FLNC: variants seen among roughly 807,000 people sequenced by gnomAD.
The protein encoded by FLNC is filamin C, also known as filamin-C.
FLNC carries 91 observed loss-of-function variants against 254.3 expected under a neutral mutation model. The ratio of observed to expected loss-of-function variants is 0.36; its 90% CI spans 0.30 to 0.43. FLNC has a LOEUF of 0.43. Ranked by LOEUF, FLNC falls within the 20% of genes least tolerant of loss-of-function variation. FLNC has a pLI of 1.00. For missense variants in FLNC, 2,853 were observed against 3,802.6 expected (o/e 0.75, Z 6.57); for synonymous variants, 1,430 against 1,577.2 (o/e 0.91, Z 2.21).
In FLNC at chr7:128,841,278, A is replaced by G; in HGVS notation, c.1922A>G (p.His641Arg). ...ACGGAGCCTGGGGAGTACGCTGTGC[A>G]CGTCATCTGTGACGATGAGGACATC... is the stretch of plus-strand genomic sequence containing the variant. ...WPTEPGEYAV[H>R]VICDDEDIRD... Residue 641 changes from histidine to arginine, a missense_variant, in exon 12 of 48, where the codon CAC becomes CGC. By Grantham distance (29) the His-to-Arg change is conservative. Around this residue, in one of 10 missense-constraint regions of FLNC, gnomAD observed 1,573 missense variants for 1,883.5 expected, o/e 0.84. Transcript: ENST00000325888. The surrounding 1 kb of genome is among the most constrained non-coding windows in gnomAD (Gnocchi z 4.3). 5.0e-6 allele frequency: 8 copies of G among 1,614,034 alleles called. No homozygotes were observed. Among genetic ancestry groups the G allele is most frequent in the South Asian group, 2.2e-5 (2 of 91,086 alleles).
Position 128,850,462 on chromosome 7 carries a change from G to T in FLNC, c.5377G>T (p.Val1793Leu). 6.2e-7 allele frequency: 1 copy of T among 1,613,516 alleles called. No homozygotes were observed. Among genetic ancestry groups the T allele is most frequent in the South Asian group, 1.1e-5 (1 of 91,048 alleles). The change falls in exon 32 of 48, where the codon GTG becomes TTG. Residue 1793 changes from valine (V) to leucine (L), a missense_variant. This residue lies in a region of FLNC where 258 missense variants were observed against 312.3 expected (regional missense o/e 0.83). Coordinates refer to ENST00000325888, the MANE Select transcript of FLNC (RefSeq NM_001458.5). ...CTTCAACCTGGTCATCCCCTTCGCG[G>T]TGCAGAAAGGGGAGCTCACAGGTAC... Reference protein sequence around the residue: ...RPFNLVIPFAVQKGELTGEVR... With the variant: ...RPFNLVIPFALQKGELTGEVR...
Position 128,842,500 on chromosome 7 carries a change from G to C in FLNC, c.2266-75G>C. Reference sequence around the variant, plus strand: ...TGAGGCTTGGGCTGGTGCCACTGAGGCTGGGCCGGGTGCGCTGGGCAGGAG... The same window carrying C: ...TGAGGCTTGGGCTGGTGCCACTGAGCCTGGGCCGGGTGCGCTGGGCAGGAG... On this transcript the variant is annotated intron_variant, in intron 14 of 47. Transcript: ENST00000325888. The surrounding 1 kb of genome is among the most constrained non-coding windows in gnomAD (Gnocchi z 5.4). The C allele has an allele frequency of 6.4e-7, 1 of 1,562,444 alleles. No homozygotes were observed. Among genetic ancestry groups the C allele is most frequent in the South Asian group, 1.2e-5 (1 of 86,274 alleles).
rs945563386 is a variant in FLNC at position 128,850,280 on chromosome 7, G to T, written c.5299-104G>T. On this transcript the variant is annotated intron_variant, in intron 31 of 47. Coordinates refer to ENST00000325888, the MANE Select transcript of FLNC (RefSeq NM_001458.5). The stretch of plus-strand genomic sequence containing the variant: ...ACCTCTCCTGCCACGCTGGTTTCAT[G>T]ATTAACTACCTTGTTCTTTCCTCAC... 53 of 1,088,366 alleles carry T rather than the reference G, an allele frequency of 4.9e-5. No homozygotes were observed. In the African/African-American group the frequency reaches 7.8e-4, roughly 16 times the overall value. 67.4% of individuals were successfully genotyped at this position (1,088,366 alleles called of 1,614,324 possible).
intron 21 of FLNC, 134 bp downstream of exon 21, chr7:128,845,389 A>G: frequency 1.3e-6 from 1 of 771,372 alleles, no homozygotes; most frequent in Non-Finnish European, 2.2e-6. Context: ...GAGCAGCCCC[A>G]GAGTCCTTAC....
chr7:128,845,659 T>C (rs1279702747), intron 21 of FLNC, among the ~76,000 whole-genome samples: 1 of 151,954 alleles, frequency 6.6e-6, no homozygotes, highest in Non-Finnish European at 1.5e-5. Context: ...AGACCCTGGC[T>C]AGGCATGGGC....
At chr7:128,839,082 G>A (rs973509501) in intron 8 of FLNC, among the ~76,000 whole-genome samples, 2 of 152,234 alleles carry the variant, frequency 1.3e-5, no homozygotes, top group Admixed American at 6.5e-5. Flanking sequence ...CTCAGGTGGT[G>A]ACTGCCCCAC....
intron 1 of FLNC, among the ~76,000 whole-genome samples, chr7:128,833,944 C>T (rs889579204): frequency 1.3e-5 from 2 of 152,100 alleles, no homozygotes; most frequent in Admixed American, 1.3e-4. Context: ...CGGCCAGAGC[C>T]CCAGCCAGAG....
chr7:128,850,508 T>C (rs1808763060), intron 32 of FLNC, 25 bp downstream of exon 32: 2 of 1,560,234 alleles, frequency 1.3e-6, no homozygotes, highest in Admixed American at 1.7e-5. Flanking sequence ...CTCCCAGGCA[T>C]GAGGGCTGAG....
In FLNC at chr7:128,843,249, C is replaced by T; in HGVS notation, c.2571C>T (p.Phe857=). 6.2e-7 allele frequency: 1 copy of T among 1,606,564 alleles called. No individual in the cohort carries two copies. Among genetic ancestry groups the T allele is most frequent in the Non-Finnish European group, 8.5e-7 (1 of 1,176,532 alleles). ...FANQEIPASP[F]HIKVDPSHDA... ...TCCAGGAGATCCCCGCCAGCCCCTT[C>T]CACATCAAGGTGGACCCATCCCACG... The change falls in exon 17 of 48, where the codon TTC becomes TTT. Residue 857 remains phenylalanine (F), a synonymous_variant. Coordinates refer to ENST00000325888, the MANE Select transcript of FLNC (RefSeq NM_001458.5).
chr7:128,837,013 G>T (rs1049261951), intron 2 of FLNC, 147 bp from the exon 3 acceptor site: 2 of 656,994 alleles, frequency 3.0e-6, no homozygotes, highest in Non-Finnish European at 2.7e-6. Context: ...AAGCTGATGG[G>T]GTCAGCAGGA....
intron 1 of FLNC, among the ~76,000 whole-genome samples, chr7:128,833,201 C>T (rs551158474): frequency 6.6e-6 from 1 of 152,194 alleles, no homozygotes; most frequent in African/African-American, 2.4e-5. Context: ...AGCTCTGTCT[C>T]GCAGCTGTTC....
Position 128,854,132 on chromosome 7 carries a change from G to C in FLNC, c.6643G>C (p.Gly2215Arg). ...VRVEESTQVG[G>R]DPFPAVFGDF... The stretch of plus-strand genomic sequence containing the variant: ...GGTGGAGGAGTCCACCCAGGTCGGC[G>C]GGGACCCCTTCCCTGCTGTGTTTGG... The change falls in exon 40 of 48, where the codon GGG becomes CGG. Residue 2215 changes from glycine (G) to arginine (R), a missense_variant. Physicochemically the swap from Gly to Arg is moderately radical, Grantham distance 125. Around this residue, in one of 10 missense-constraint regions of FLNC, gnomAD observed 551 missense variants for 835.0 expected, o/e 0.66. Transcript: ENST00000325888. The C allele has an allele frequency of 6.2e-7, 1 of 1,612,718 alleles. No homozygotes were observed. Among genetic ancestry groups the C allele is most frequent in the Non-Finnish European group, 8.5e-7 (1 of 1,179,848 alleles).
At position 128,857,056 on chromosome 7, in the gene FLNC, G is replaced by A; in HGVS notation, c.7562-62G>A. The A allele has an allele frequency of 6.3e-7, 1 of 1,579,712 alleles. No individual in the cohort carries two copies. ...CACAGAGGCTGTCCAGGGAGCTGGG[G>A]CCCAGTCCCTCTTGGGCCACAAGCC... On this transcript the variant is annotated intron_variant, in intron 45 of 47. Transcript: ENST00000325888. This position sits in a 1 kb window ranked among gnomAD's most constrained non-coding sequence, Gnocchi z 4.5.
chr7:128,842,560 C>T lies in FLNC; in HGVS notation c.2266-15C>T, dbSNP rs774315477. ...TGAGGGAGGGCACCACGCTGAGCTG[C>T]GACCCCTCCCGCAGGTGAACGTGGG... On this transcript the variant is annotated splice_polypyrimidine_tract_variant and intron_variant, in intron 14 of 47. Coordinates refer to ENST00000325888, the MANE Select transcript of FLNC (RefSeq NM_001458.5). The surrounding 1 kb of genome is among the most constrained non-coding windows in gnomAD (Gnocchi z 5.4). 2.2e-5 allele frequency: 34 copies of T among 1,548,150 alleles called. No individual in the cohort carries two copies. Among genetic ancestry groups the T allele is most frequent in the South Asian group, 1.7e-4 (14 of 84,132 alleles).
In FLNC at chr7:128,858,106, T is replaced by A. The variant is rs774081954; in HGVS notation, c.7879T>A (p.Ser2627Thr). 7.4e-6 allele frequency: 12 copies of A among 1,613,454 alleles called. No individual in the cohort carries two copies. The South Asian group carries it at 1.3e-4, about 18-fold the overall frequency. The change falls in exon 47 of 48, where the codon TCC becomes ACC. Residue 2627 changes from serine to threonine, a missense_variant. By Grantham distance (58) the Ser-to-Thr change is moderately conservative. Coordinates refer to ENST00000325888, the MANE Select transcript of FLNC (RefSeq NM_001458.5). The surrounding 1 kb of genome is among the most constrained non-coding windows in gnomAD (Gnocchi z 6.7). ...CTCAAGCCGGGGCTCCAGCTACAGCTCCATCCCCAAGTTCTCCTCAGATGC... is the reference window on the plus strand; with the variant it reads ...CTCAAGCCGGGGCTCCAGCTACAGCACCATCCCCAAGTTCTCCTCAGATGC... ...SSSSRGSSYS[S>T]IPKFSSDASK...
In FLNC at chr7:128,843,116, G is replaced by A. The variant is rs75433428; in HGVS notation, c.2551-113G>A. 0.021 allele frequency: 28,319 copies of A among 1,362,488 alleles called. 1,998 individuals carry two copies. Among genetic ancestry groups the A allele is most frequent in the African/African-American group, 0.21 (14,186 of 69,194 alleles). The allele number at this position is 1,362,488 out of a possible 1,614,324, so 84.4% of individuals were successfully genotyped here. ...CAGAGGAAGCAAAGGGGGCCCTTTT[G>A]GAGGCTGCCCCTGTCCATGCTGGGT... On this transcript the variant is annotated intron_variant, in intron 16 of 47. Coordinates refer to ENST00000325888, the MANE Select transcript of FLNC (RefSeq NM_001458.5).
chr7:128,842,916 G>C lies in FLNC; in HGVS notation c.2512G>C (p.Ala838Pro). The change falls in exon 16 of 48, where the codon GCG becomes CCG. Residue 838 changes from alanine (A) to proline (P), a missense_variant. Coordinates refer to ENST00000325888, the MANE Select transcript of FLNC (RefSeq NM_001458.5). This position sits in a 1 kb window ranked among gnomAD's most constrained non-coding sequence, Gnocchi z 5.4. ...TFTVKYTPPGAGRYTIMVLFA... is the reference protein window; with the variant it reads ...TFTVKYTPPGPGRYTIMVLFA... ...CACCGTCAAGTACACGCCACCAGGGGCGGGCCGCTACACCATCATGGTGCT... is the reference window on the plus strand; with the variant it reads ...CACCGTCAAGTACACGCCACCAGGGCCGGGCCGCTACACCATCATGGTGCT... 1.2e-6 allele frequency: 2 copies of C among 1,614,028 alleles called. No homozygotes were observed. The highest frequency in any genetic ancestry group is 2.2e-5 in the East Asian group (1 of 44,890).
Position 128,840,405 on chromosome 7 carries a change from C to T in FLNC, c.1550-143C>T, listed in dbSNP as rs1008303104. 1.2e-5 allele frequency: 14 copies of T among 1,138,084 alleles called. No homozygotes were observed. The Admixed American group carries it at 1.6e-4, about 13-fold the overall frequency. The allele number at this position is 1,138,084 out of a possible 1,614,324, so 70.5% of individuals were successfully genotyped here. On this transcript the variant is annotated intron_variant, in intron 9 of 47. Transcript: ENST00000325888. ...TTATGCACAGGGATGACAAGTGTTC[C>T]CTGCCCTGAGTTGCAGCACTGCTCA...
chr7:128,832,287 G>A (rs1269563504), intron 1 of FLNC, among the ~76,000 whole-genome samples: 1 of 152,138 alleles, frequency 6.6e-6, no homozygotes, highest in African/African-American at 2.4e-5. Context: ...AGATGTCTCT[G>A]AGCTTTCCAG....
Sources: allele counts gnomAD v4.1 joint callset (sites outside exome capture counted in the v4.1 genomes callset), GRCh38; gene constraint gnomAD v4.1.1; regional missense constraint gnomAD v4.1.1; non-coding constraint Gnocchi (gnomAD v3.1); transcripts MANE v1.5; gene names NCBI Gene and HGNC (gene_info 2026-07-23, HGNC 2026-07-21).